ADGRE2: variants seen among roughly 807,000 people sequenced by gnomAD.
The protein encoded by ADGRE2 is CD97 antigen.
A neutral mutation model predicts 100.8 loss-of-function variants in ADGRE2; 83 were observed. The observed-to-expected ratio is 0.82, with a 90% CI of 0.69 to 0.99. ADGRE2 has a LOEUF of 0.99. Ranked by LOEUF, ADGRE2 falls within the 50% of genes least tolerant of loss-of-function variation. ADGRE2 has a pLI of 0.00. For missense variants in ADGRE2, 814 were observed against 1,035.7 expected, an observed-to-expected ratio of 0.79 and a Z score of 2.94; for synonymous variants, 355 against 413.0, an observed-to-expected ratio of 0.86 and a Z score of 1.70.
chr19:14,774,021 C>T lies in ADGRE2; in HGVS notation c.116G>A (p.Cys39Tyr), dbSNP rs767699480. 1.9e-6 allele frequency: 3 copies of T among 1,614,004 alleles called. No individual in the cohort carries two copies. Among genetic ancestry groups the T allele is most frequent in the Non-Finnish European group, 1.7e-6 (2 of 1,180,022 alleles). Residue 39 changes from cysteine (C) to tyrosine (Y), a missense_variant, in exon 4 of 21, where the codon TGT becomes TAT. Cys to Tyr is a radical substitution (Grantham distance 194). Around this residue, in one of 5 missense-constraint regions of ADGRE2, gnomAD observed 143 missense variants for 160.3 expected, o/e 0.89. Coordinates refer to ENST00000315576, the MANE Select transcript of ADGRE2 (RefSeq NM_013447.4). ...CARWCPQDSS[C>Y]VNATACRCNP... ...GCAGCGACAGGCGGTGGCATTGACA[C>T]ACGAGGAGTCCTGAGGGCACCACCG...
chr19:14,749,603 T>A (rs1599811437), intron 16 of ADGRE2, among the ~76,000 whole-genome samples: 2 of 140,602 alleles, frequency 1.4e-5, no homozygotes, highest in South Asian at 2.3e-4. Context: ...ATAGCTATGT[T>A]ATATAATTAT....
At chr19:14,751,242 ACAATGCCTAG>A (rs1242250708) in intron 16 of ADGRE2, among the ~76,000 whole-genome samples, 184 bp downstream of exon 16, 1 of 152,208 alleles carries the variant, frequency 6.6e-6, no homozygotes, top group Non-Finnish European at 1.5e-5. Flanking sequence ...ACCCTCTTCT[ACAATGCCTAG>A]CTTGAAATGT....
At position 14,754,855 on chromosome 19, in the gene ADGRE2, T is replaced by G. The variant is rs2043431475; in HGVS notation, c.1590+99A>C. 4 of 1,336,108 alleles carry G rather than the reference T, an allele frequency of 3.0e-6. No homozygotes were observed. The East Asian group carries it at 9.8e-5, about 33-fold the overall frequency. The allele number at this position is 1,336,108 out of a possible 1,614,324, so 82.8% of individuals were successfully genotyped here. On this transcript the variant is annotated intron_variant, in intron 14 of 20. Transcript: ENST00000315576. ...CTATGCCAGCTTGCTGACCCAGAGCTGTGAGATAATGCATATATTTTTTTA... is the reference window on the plus strand; with the variant it reads ...CTATGCCAGCTTGCTGACCCAGAGCGGTGAGATAATGCATATATTTTTTTA...
chr19:14,747,913 G>A (rs1308649050), intron 16 of ADGRE2, among the ~76,000 whole-genome samples: 1 of 152,078 alleles, frequency 6.6e-6, no homozygotes, highest in African/African-American at 2.4e-5. Context: ...ATCAGTGATA[G>A]GCATTGTTTC....
chr19:14,730,161 T>C (rs1351288558), downstream of ADGRE2, among the ~76,000 whole-genome samples: 1 of 152,206 alleles, frequency 6.6e-6, no homozygotes, highest in Non-Finnish European at 1.5e-5. Context: ...CAAGTGATTC[T>C]TCTGCCTCGC....
Position 14,743,503 on chromosome 19 carries a change from T to C in ADGRE2, c.2380A>G (p.Lys794Glu), listed in dbSNP as rs763990777. Reference sequence around the variant, plus strand: ...TCAGTTTTCAATTTCCTGATCCCTTTGGACCATTTCCCATATTGCTCCCGG... The same window carrying C: ...TCAGTTTTCAATTTCCTGATCCCTTCGGACCATTTCCCATATTGCTCCCGG... ...QVREQYGKWS[K>E]GIRKLKTESE... The change falls in exon 20 of 21, where the codon AAA becomes GAA. Residue 794 changes from lysine to glutamate, a missense_variant. Around this residue, in one of 5 missense-constraint regions of ADGRE2, gnomAD observed 569 missense variants for 692.7 expected, o/e 0.82. Transcript: ENST00000315576. 5.0e-6 allele frequency: 8 copies of C among 1,613,998 alleles called. No individual in the cohort carries two copies. The highest frequency in any genetic ancestry group is 5.9e-6 in the Non-Finnish European group (7 of 1,179,986).
Position 14,778,546 on chromosome 19 carries a change from C to A in ADGRE2, c.-461G>T. The A allele has an allele frequency of 1.7e-6, 1 of 600,586 alleles. No homozygotes were observed. Among genetic ancestry groups the A allele is most frequent in the Non-Finnish European group, 2.1e-6 (1 of 477,518 alleles). The allele number at this position is 600,586 out of a possible 1,614,324, so 37.2% of individuals were successfully genotyped here. A position where few individuals can be genotyped will look rare whatever the true frequency, so the allele number is the denominator to read the frequency against. On this transcript the variant is annotated 5_prime_UTR_variant, in exon 1 of 21. Transcript: ENST00000315576. ...ACCGCACAGAGCAGACCCCCCGGAT[C>A]TTTCTGGTCTTTCTAAGCCAGTTTC...
At chr19:14,756,681 A>G (rs1456652995) in intron 11 of ADGRE2, among the ~76,000 whole-genome samples, 1 of 152,230 alleles carries the variant, frequency 6.6e-6, no homozygotes, top group Non-Finnish European at 1.5e-5. Context: ...AGCTTAAGAA[A>G]GAATGAACAT....
At chr19:14,739,010 C>G (rs1334559592) in intron 20 of ADGRE2, among the ~76,000 whole-genome samples, 1 of 148,902 alleles carries the variant, frequency 6.7e-6, no homozygotes, top group Non-Finnish European at 1.5e-5. Flanking sequence ...ACTCTGTCAC[C>G]CAGGCTGGAG....
chr19:14,740,926 G>A lies in ADGRE2; in HGVS notation c.2463+2494C>T, dbSNP rs186886540. 2.6e-4 allele frequency among the ~76,000 whole-genome samples: 39 copies of A among 151,526 alleles called. 1 individual carries two copies. The East Asian group carries it at 6.3e-3, about 24-fold the overall frequency. On this transcript the variant is annotated intron_variant, in intron 20 of 20. Transcript: ENST00000315576. ...TAGTTTTTATATTTTGTGTAGAGATGGGATTTTGCCATGTTGCACAGGTTG... is the reference window on the plus strand; with the variant it reads ...TAGTTTTTATATTTTGTGTAGAGATAGGATTTTGCCATGTTGCACAGGTTG...
At chr19:14,764,678 T>C in intron 10 of ADGRE2, 68 bp from the exon 11 acceptor site, 1 of 1,481,016 alleles carries the variant, frequency 6.8e-7, no homozygotes, top group Non-Finnish European at 9.1e-7. Flanking sequence ...CTCCAACCGC[T>C]CAGCCCCAGG....
At chr19:14,773,486 G>A (rs1286637139) in intron 4 of ADGRE2, among the ~76,000 whole-genome samples, 2 of 144,170 alleles carry the variant, frequency 1.4e-5, no homozygotes, top group Non-Finnish European at 3.0e-5. Context: ...TTACAGGCAT[G>A]AGCCACCACA....
At chr19:14,743,376 G>T (rs752593078) in intron 20 of ADGRE2, 44 bp downstream of exon 20, 2 of 1,501,290 alleles carry the variant, frequency 1.3e-6, no homozygotes, top group South Asian at 2.3e-5. Context: ...TGCTCCTCAG[G>T]TGGGTCGGTT....
At chr19:14,754,481 A>ATCTG (rs1555784889) in intron 14 of ADGRE2, among the ~76,000 whole-genome samples, 19 of 150,714 alleles carry the variant, frequency 1.3e-4, no homozygotes, top group Non-Finnish European at 2.4e-4. Flanking sequence ...CTATCTATCT[A>ATCTG]TCTATCTATT....
Position 14,764,445 on chromosome 19 carries a change from G to A in ADGRE2, c.1072C>T (p.Pro358Ser). The change falls in exon 11 of 21, where the codon CCT becomes TCT. Residue 358 changes from proline to serine, a missense_variant. Physicochemically the swap from Pro to Ser is moderately conservative, Grantham distance 74 (BLOSUM62 -1). This residue lies in a region of ADGRE2 where 569 missense variants were observed against 692.7 expected (regional missense o/e 0.82). Coordinates refer to ENST00000315576, the MANE Select transcript of ADGRE2 (RefSeq NM_013447.4). ...LSNGLLNFSY[P>S]AGTELSLEVQ... is the part of the protein sequence containing the mutation. ...CCCAGGGACCTACCTGTGCCTGCAGGATAACTGAAGTTCAACAGCCCATTG... is the reference window on the plus strand; with the variant it reads ...CCCAGGGACCTACCTGTGCCTGCAGAATAACTGAAGTTCAACAGCCCATTG... The A allele has an allele frequency of 6.2e-7, 1 of 1,613,024 alleles. No homozygotes were observed. The highest frequency in any genetic ancestry group is 1.3e-5 in the African/African-American group (1 of 75,032).
intron 17 of ADGRE2, 27 bp downstream of exon 17, chr19:14,746,869 C>T (rs751228441): frequency 2.7e-5 from 44 of 1,605,244 alleles, no homozygotes; most frequent in Non-Finnish European, 3.5e-5. Flanking sequence ...AGCGGGGCAG[C>T]GAGGATGCTC....
downstream of ADGRE2, chr19:14,731,419 C>A: frequency 1.8e-6 from 1 of 565,272 alleles, no homozygotes; most frequent in East Asian, 2.9e-5. Flanking sequence ...ATTGTAGGTT[C>A]CCCGCAAGGA....
At chr19:14,725,802 C>T in the ADGRE2 span, among the ~76,000 whole-genome samples, 99 of 152,314 alleles carry the variant, frequency 6.5e-4, no homozygotes, top group African/African-American at 2.3e-3. Context: ...GGTGCAACCC[C>T]CATGGCTGCT....
Position 14,765,569 on chromosome 19 carries a change from A to G in ADGRE2, c.783T>C (p.Asp261=). 6.2e-7 allele frequency: 1 copy of G among 1,614,302 alleles called. No homozygotes were observed. The change falls in exon 9 of 21, where the codon GAT becomes GAC. Residue 261 remains aspartate (D), a splice_region_variant and synonymous_variant. Transcript: ENST00000315576. The stretch of plus-strand genomic sequence containing the variant: ...GCGGGGTCCAGGTGGAGAAAGTCAT[A>G]TCTGTAGGGAACAAGACAAGCGGCT... ...PNNQKDTVCE[D]MTFSTWTPPP...
Sources: allele counts gnomAD v4.1 joint callset (sites outside exome capture counted in the v4.1 genomes callset), GRCh38; gene constraint gnomAD v4.1.1; regional missense constraint gnomAD v4.1.1; transcripts MANE v1.5; gene names NCBI Gene and HGNC (gene_info 2026-07-23, HGNC 2026-07-21).